Variants in FAM47E observed in about 807,000 individuals in gnomAD.
FAM47E encodes protein FAM47E.
Under a neutral mutation model 41.6 loss-of-function variants are expected in FAM47E, and 32 were observed. The ratio of observed to expected loss-of-function variants is 0.77; its 90% CI spans 0.58 to 1.03. The LOEUF (loss-of-function observed/expected upper bound fraction) is 1.03, where lower values mean the gene tolerates loss of function less well. FAM47E is among the 50% of genes least tolerant of loss of function. The pLI, the probability that FAM47E is intolerant of heterozygous loss-of-function variation, is 0.00. For missense variants in FAM47E, 424 were observed against 485.4 expected (o/e 0.87, Z 1.19); for synonymous variants, 184 against 188.7 (o/e 0.98, Z 0.20).
At chr4:76,279,533 A>G (rs1735262943) in intron 6 of FAM47E, 1 of 152,252 alleles carries the variant, frequency 6.6e-6, no homozygotes, top group African/African-American at 2.4e-5. Context: ...ATTGTTTATC[A>G]GGCAGTTTAG....
chr4:76,214,573 T>G, intron 1 of FAM47E: 1 of 332,074 alleles, frequency 3.0e-6, no homozygotes, highest in South Asian at 2.2e-5. Context: ...TGGTATCCTG[T>G]TAAAGATGTG....
chr4:76,272,589 C>T (rs1441913), intron 5 of FAM47E, among the ~76,000 whole-genome samples: 2 of 151,996 alleles, frequency 1.3e-5, no homozygotes, highest in African/African-American at 2.4e-5. Flanking sequence ...CCATTGCATA[C>T]GGTTTATGAA....
intron 4 of FAM47E, chr4:76,269,580 T>C (rs2869871): frequency 0.36 from 54,209 of 151,630 alleles, 10,276 homozygotes; most frequent in Admixed American, 0.42. Flanking sequence ...TGCGCCACTG[T>C]ACTCCAGCCT....
intron 2 of FAM47E, among the ~76,000 whole-genome samples, chr4:76,226,339 A>G (rs1160693674): frequency 2.0e-5 from 3 of 152,226 alleles, no homozygotes; most frequent in African/African-American, 7.2e-5. Flanking sequence ...GTCACAGTTT[A>G]GCATTATGCT....
At chr4:76,277,889 C>A (rs1435001263) in intron 5 of FAM47E, among the ~76,000 whole-genome samples, 180 bp from the exon 6 acceptor site, 2 of 152,206 alleles carry the variant, frequency 1.3e-5, no homozygotes, top group Non-Finnish European at 2.9e-5. Context: ...ATTTTTAAAT[C>A]ATGAACTTTA....
intron 5 of FAM47E, among the ~76,000 whole-genome samples, chr4:76,276,214 A>G (rs1308705612): frequency 6.6e-6 from 1 of 152,222 alleles, no homozygotes; most frequent in Non-Finnish European, 1.5e-5. Context: ...GTAGCTGGGA[A>G]TAATTTCCGA....
chr4:76,282,963 A>T (rs561540085), intron 7 of FAM47E: 1 of 155,548 alleles, frequency 6.4e-6, no homozygotes, highest in Non-Finnish European at 1.4e-5. Context: ...CTTTTTTTTA[A>T]CCTCCTGTGT....
In FAM47E at chr4:76,222,918, CA is replaced by C. The variant is rs1284021590; in HGVS notation, c.81+5231del. 9.2e-5 allele frequency among the ~76,000 whole-genome samples: 14 copies of C among 152,208 alleles called. No homozygotes were observed. The South Asian group carries it at 2.3e-3, about 25-fold the overall frequency. On this transcript the variant is annotated intron_variant, in intron 2 of 7. Coordinates refer to the FAM47E transcript ENST00000510197. Reference sequence around the variant, plus strand: ...TCCAAGCTGAAGCTCAGAAGAAAGGCAGGGGGGGAAGAGGCCCAGGTGAAGC... The same window carrying C: ...TCCAAGCTGAAGCTCAGAAGAAAGGCGGGGGGGAAGAGGCCCAGGTGAAGC...
intron 2 of FAM47E, among the ~76,000 whole-genome samples, chr4:76,228,732 A>G (rs1449601078): frequency 6.6e-6 from 1 of 152,048 alleles, no homozygotes; most frequent in Non-Finnish European, 1.5e-5. Context: ...TTAATCTGAT[A>G]GATTTTCCTT....
At chr4:76,220,212 G>A (rs554409949) in intron 2 of FAM47E, among the ~76,000 whole-genome samples, 10 of 152,176 alleles carry the variant, frequency 6.6e-5, no homozygotes, top group Non-Finnish European at 1.2e-4. Flanking sequence ...GTAAACCAGT[G>A]TTCATAGCAG....
intron 2 of FAM47E, chr4:76,217,753 G>A: frequency 4.0e-6 from 2 of 498,548 alleles, no homozygotes; most frequent in Admixed American, 3.3e-5. Flanking sequence ...GTGGCAAGGA[G>A]ATACGGTGAT....
At chr4:76,261,878 A>G (rs1428534592) in intron 2 of FAM47E, among the ~76,000 whole-genome samples, 1 of 152,214 alleles carries the variant, frequency 6.6e-6, no homozygotes, top group Non-Finnish European at 1.5e-5. Context: ...ATAAACATGA[A>G]AACAAGTGTC....
chr4:76,252,153 C>T (rs557202652), intron 1 of FAM47E, among the ~76,000 whole-genome samples: 1 of 152,094 alleles, frequency 6.6e-6, no homozygotes, highest in Non-Finnish European at 1.5e-5. Context: ...CTTTTCCGGC[C>T]TAGCCAACCA....
rs1184940410 is a variant in FAM47E at position 76,280,273 on chromosome 4, C to G, written c.1036C>G (p.Leu346Val). ...KKELQEQEEL[L>V]ADLHGTVAFK... ...GTGGGTACTCTTTTAGGAGGAGTTA[C>G]TTGCAGACCTTCACGGAACAGTTGC... Residue 346 changes from leucine to valine, a missense_variant, in exon 7 of 8, where the codon CTT becomes GTT. Coordinates refer to ENST00000424749, the MANE Select transcript of FAM47E (RefSeq NM_001136570.3). 4 of 1,549,306 alleles carry G rather than the reference C, an allele frequency of 2.6e-6. No homozygotes were observed. Among genetic ancestry groups the G allele is most frequent in the African/African-American group, 2.7e-5 (2 of 72,994 alleles).
intron 3 of FAM47E, 102 bp downstream of exon 3, chr4:76,263,945 G>A: frequency 2.1e-6 from 3 of 1,455,056 alleles, no homozygotes; most frequent in Non-Finnish European, 2.7e-6. Context: ...TTCTAATGAA[G>A]CAAATGTAAC....
At chr4:76,238,590 A>G (rs1382608714) in intron 2 of FAM47E, among the ~76,000 whole-genome samples, 1 of 152,214 alleles carries the variant, frequency 6.6e-6, no homozygotes, top group Non-Finnish European at 1.5e-5. Context: ...GCGGACTTAA[A>G]GGGGGCAATC....
intron 2 of FAM47E, among the ~76,000 whole-genome samples, chr4:76,233,457 A>G (rs1733527032): frequency 6.6e-6 from 1 of 152,194 alleles, no homozygotes; most frequent in Admixed American, 6.5e-5. Context: ...TTTCTCAAAG[A>G]TTAAAGTCGC....
chr4:76,265,601 G>C (rs572559290), intron 3 of FAM47E, among the ~76,000 whole-genome samples: 1 of 100,254 alleles, frequency 1.0e-5, no homozygotes, highest in South Asian at 3.4e-4. Context: ...TGACAGGAAT[G>C]CTTTTTGTTA....
chr4:76,252,462 G>C (rs1316335366), intron 1 of FAM47E, among the ~76,000 whole-genome samples: 8 of 152,160 alleles, frequency 5.3e-5, no homozygotes, highest in South Asian at 2.1e-4. Flanking sequence ...AATCAGAAAG[G>C]CTTGAGTAGA....
Sources: gnomAD v4.1 joint callset for allele counts (sites outside exome capture counted in the v4.1 genomes callset) on GRCh38, gnomAD v4.1.1 for gene constraint, MANE v1.5 for transcripts, NCBI Gene and HGNC (gene_info 2026-07-23, HGNC 2026-07-21) for gene names.